NAV2: variants seen among roughly 807,000 people sequenced by gnomAD.
NAV2 encodes the protein helicase, APC down-regulated 1.
Under a neutral mutation model 223.2 loss-of-function variants are expected in NAV2, and 54 were observed. The ratio of observed to expected loss-of-function variants is 0.24; its 90% CI spans 0.19 to 0.30. The LOEUF is 0.30. NAV2 is among the 10% of genes least tolerant of loss of function. NAV2 has a pLI of 1.00. For missense variants in NAV2, 2,806 were observed against 3,147.5 expected (o/e 0.89, Z 2.60); for synonymous variants, 1,279 against 1,239.3 (o/e 1.03, Z -0.67).
chr11:19,522,137 C>T (rs1280975893), intron 1 of NAV2, among the ~76,000 whole-genome samples: 1 of 152,176 alleles, frequency 6.6e-6, no homozygotes, highest in Non-Finnish European at 1.5e-5. Flanking sequence ...GCCCGACATA[C>T]GCCAGATCCC....
intron 2 of NAV2, among the ~76,000 whole-genome samples, chr11:19,834,555 C>CT (rs56112973): frequency 0.63 from 92,998 of 147,506 alleles, 29,327 homozygotes; most frequent in Middle Eastern, 0.7. Flanking sequence ...GAAGGGGTAC[C>CT]TTTTTTTTTT....
chr11:19,821,322 T>C (rs2059370656), intron 1 of NAV2, among the ~76,000 whole-genome samples: 1 of 149,542 alleles, frequency 6.7e-6, no homozygotes, highest in African/African-American at 2.5e-5. Flanking sequence ...TATCCTGAGG[T>C]GTGGATGAAG....
chr11:20,082,942 T>C lies in NAV2; in HGVS notation c.5326-65T>C, dbSNP rs2060182714. 7 of 1,448,468 alleles carry C rather than the reference T, an allele frequency of 4.8e-6. No homozygotes were observed. In the Admixed American group the frequency reaches 1.1e-4, roughly 22 times the overall value. The allele number at this position is 1,448,468 out of a possible 1,614,324, so 89.7% of individuals were successfully genotyped here. On this transcript the variant is annotated intron_variant, in intron 25 of 37. Coordinates refer to ENST00000349880, the MANE Select transcript of NAV2 (RefSeq NM_145117.5). ...TTAATCGCTTTTTTGTGTGCATGTC[T>C]CTGTTTTGCCAAGGCCTAAGCATTG...
chr11:19,904,874 C>T (rs2028606), intron 6 of NAV2, among the ~76,000 whole-genome samples: 53,658 of 151,826 alleles, frequency 0.35, 9,605 homozygotes, highest in East Asian at 0.56. Flanking sequence ...TTACAATAGC[C>T]GGTAGGTTGG....
intron 1 of NAV2, among the ~76,000 whole-genome samples, chr11:19,441,311 T>C (rs2632068): frequency 0.99 from 151,002 of 152,238 alleles, 74,893 homozygotes; most frequent in East Asian, 1. Context: ...AGATTTTGGT[T>C]TTTGACTTAA....
chr11:19,709,278 C>T (rs2049780324), upstream of NAV2, among the ~76,000 whole-genome samples: 1 of 152,110 alleles, frequency 6.6e-6, no homozygotes. Flanking sequence ...CACGGTGGCT[C>T]ACGCCTGTAA....
chr11:19,956,077 A>G (rs1285011140), intron 10 of NAV2, among the ~76,000 whole-genome samples: 2 of 152,152 alleles, frequency 1.3e-5, no homozygotes, highest in Non-Finnish European at 2.9e-5. Flanking sequence ...CCAGCCAGCC[A>G]GTGGGCTGGT....
At chr11:19,585,895 T>C (rs2045881986) in intron 1 of NAV2, among the ~76,000 whole-genome samples, 2 of 152,200 alleles carry the variant, frequency 1.3e-5, no homozygotes, top group Non-Finnish European at 2.9e-5. Context: ...TTTGTGGCAT[T>C]CTCTGTATTT....
At chr11:19,776,836 G>A (rs1158217032) in intron 1 of NAV2, among the ~76,000 whole-genome samples, 1 of 151,974 alleles carries the variant, frequency 6.6e-6, no homozygotes, top group Non-Finnish European at 1.5e-5. Flanking sequence ...TCTGAGCTAA[G>A]AACCCATGGG....
intron 1 of NAV2, among the ~76,000 whole-genome samples, chr11:19,486,963 G>T (rs2134042406): frequency 6.6e-6 from 1 of 152,300 alleles, no homozygotes; most frequent in Non-Finnish European, 1.5e-5. Context: ...GCAACCAAGT[G>T]TTTTCTCCTG....
chr11:20,075,413 TTG>T (rs66479547), intron 22 of NAV2, among the ~76,000 whole-genome samples: 41,567 of 151,620 alleles, frequency 0.27, 5,871 homozygotes, highest in South Asian at 0.45. Context: ...TTGTTTGTTT[TTG>T]TATTTTTAGT....
intron 1 of NAV2, among the ~76,000 whole-genome samples, chr11:19,706,990 G>T (rs2049684339): frequency 6.6e-6 from 1 of 152,124 alleles, no homozygotes; most frequent in East Asian, 1.9e-4. Flanking sequence ...AATGGTATTT[G>T]TGTATCTAAA....
intron 1 of NAV2, among the ~76,000 whole-genome samples, chr11:19,731,288 C>G (rs995252706): frequency 2.0e-4 from 30 of 152,350 alleles, no homozygotes; most frequent in Non-Finnish European, 1.3e-4. Flanking sequence ...CCCAGTGTTA[C>G]CCACACCACC....
At chr11:20,080,640 C>G (rs1391064464) in intron 25 of NAV2, among the ~76,000 whole-genome samples, 1 of 152,136 alleles carries the variant, frequency 6.6e-6, no homozygotes, top group Non-Finnish European at 1.5e-5. Flanking sequence ...ACACAAATGC[C>G]TAGGGATATC....
intron 1 of NAV2, among the ~76,000 whole-genome samples, chr11:19,670,092 C>G (rs1306849434): frequency 6.6e-6 from 1 of 152,200 alleles, no homozygotes; most frequent in Non-Finnish European, 1.5e-5. Flanking sequence ...TATGATCCAG[C>G]CTCTCTGAGC....
intron 1 of NAV2, among the ~76,000 whole-genome samples, chr11:19,671,759 T>G (rs554477303): frequency 6.6e-6 from 1 of 152,324 alleles, no homozygotes; most frequent in East Asian, 1.9e-4. Flanking sequence ...CCTTTAAAAA[T>G]GTAAAAACCA....
Position 19,636,405 on chromosome 11 carries a change from G to T in NAV2, c.76-196079G>T, listed in dbSNP as rs56412441. 8.9e-3 allele frequency among the ~76,000 whole-genome samples: 1,353 copies of T among 152,130 alleles called. 16 individuals are homozygous for T. Among genetic ancestry groups the T allele is most frequent in the African/African-American group, 0.029 (1,185 of 41,498 alleles). The stretch of plus-strand genomic sequence containing the variant: ...CACTCTGGAAGGGACCCAGGAGACT[G>T]CAGACTTACTTTATACCAGGAGAGA... On this transcript the variant is annotated intron_variant, in intron 1 of 37. Coordinates refer to the NAV2 transcript ENST00000360655.
At chr11:19,608,058 C>T (rs1033589972) in intron 1 of NAV2, among the ~76,000 whole-genome samples, 2 of 152,170 alleles carry the variant, frequency 1.3e-5, no homozygotes, top group African/African-American at 2.4e-5. Context: ...GAAGAAAAAA[C>T]AATAACAACC....
intron 11 of NAV2, among the ~76,000 whole-genome samples, chr11:19,990,867 A>G (rs1343491662): frequency 6.6e-6 from 1 of 152,054 alleles, no homozygotes; most frequent in East Asian, 1.9e-4. Context: ...ACTGTAGAAA[A>G]CTCTTTTGGA....
Sources: allele counts gnomAD v4.1 joint callset (sites outside exome capture counted in the v4.1 genomes callset), GRCh38; gene constraint gnomAD v4.1.1; transcripts MANE v1.5; gene names NCBI Gene and HGNC (gene_info 2026-07-23, HGNC 2026-07-21).